The following SMG6 variants were observed in gnomAD, a reference collection of about 807,000 sequenced individuals.
SMG6 encodes the protein telomerase-binding protein EST1A.
Under a neutral mutation model 142.2 loss-of-function variants are expected in SMG6, and 66 were observed. The observed-to-expected ratio is 0.46, with a 90% CI of 0.38 to 0.57. The LOEUF is 0.57. Ranked by LOEUF, SMG6 falls within the 20% of genes least tolerant of loss-of-function variation. The pLI is 0.00. For synonymous variants in SMG6, 779 were observed against 702.4 expected, an observed-to-expected ratio of 1.11 and a Z score of -1.72; for missense variants, 1,793 against 1,832.0, an observed-to-expected ratio of 0.98 and a Z score of 0.39.
At chr17:2,139,884 C>A (rs185861781) in intron 13 of SMG6, among the ~76,000 whole-genome samples, 2 of 152,104 alleles carry the variant, frequency 1.3e-5, no homozygotes, top group Admixed American at 6.5e-5. Context: ...TGCCACCATA[C>A]CCGGCTAATT....
chr17:2,236,181 T>C (rs891713519), intron 10 of SMG6: 2 of 207,088 alleles, frequency 9.7e-6, no homozygotes, highest in Non-Finnish European at 1.9e-5. Context: ...GGAGAGGCTC[T>C]GGGTCTGCAG....
At chr17:2,146,041 A>C (rs1206992929) in intron 13 of SMG6, among the ~76,000 whole-genome samples, 3 of 152,188 alleles carry the variant, frequency 2.0e-5, no homozygotes, top group Non-Finnish European at 4.4e-5. Context: ...CTCTTTGTTG[A>C]AACAAAGAAA....
intron 6 of SMG6, among the ~76,000 whole-genome samples, chr17:2,292,054 G>A (rs367647328): frequency 3.9e-5 from 6 of 152,078 alleles, no homozygotes; most frequent in African/African-American, 1.5e-4. Context: ...TTAGACCTAG[G>A]GAGGTACAAC....
chr17:2,164,897 A>C (rs1189623956), intron 13 of SMG6, among the ~76,000 whole-genome samples: 2 of 151,940 alleles, frequency 1.3e-5, no homozygotes, highest in Non-Finnish European at 1.5e-5. Context: ...AGACTAAACC[A>C]CTGTACTCCA....
At chr17:2,199,451 A>C (rs896916354) in intron 10 of SMG6, among the ~76,000 whole-genome samples, 7 of 151,714 alleles carry the variant, frequency 4.6e-5, no homozygotes, top group African/African-American at 1.7e-4. Context: ...TAGGCAATAC[A>C]GTGTGAGACC....
At chr17:2,093,159 A>C (rs558351411) in intron 13 of SMG6, among the ~76,000 whole-genome samples, 4 of 152,120 alleles carry the variant, frequency 2.6e-5, no homozygotes, top group Non-Finnish European at 4.4e-5. Context: ...GTTCTATTGC[A>C]ATCCAGCCTG....
At chr17:2,061,895 GCCT>G (rs1426318390) in intron 18 of SMG6, 1 of 409,874 alleles carries the variant, frequency 2.4e-6, no homozygotes, top group African/African-American at 2.0e-5. Context: ...AAACCCGTCA[GCCT>G]CCCAGGACCC....
intron 13 of SMG6, among the ~76,000 whole-genome samples, chr17:2,100,298 AAAGTGTTC>A (rs2068970962): frequency 6.6e-6 from 1 of 152,162 alleles, no homozygotes; most frequent in South Asian, 2.1e-4. Context: ...TCGGCCTTCC[AAAGTGTTC>A]AAGTACAGGA....
At chr17:2,080,785 A>G (rs1375190213) in intron 15 of SMG6, among the ~76,000 whole-genome samples, 2 of 151,968 alleles carry the variant, frequency 1.3e-5, no homozygotes, top group Non-Finnish European at 2.9e-5. Context: ...ACAGGTGTGC[A>G]CCACCATGCC....
At chr17:2,101,793 G>A (rs1364216451) in intron 13 of SMG6, 1 of 152,210 alleles carries the variant, frequency 6.6e-6, no homozygotes, top group Non-Finnish European at 1.5e-5. Flanking sequence ...ATAGAGGTGA[G>A]GAAATTAAGG....
chr17:2,184,657 CAAAAAAAAAA>C (rs150364302), intron 12 of SMG6, among the ~76,000 whole-genome samples: 2 of 52,796 alleles, frequency 3.8e-5, no homozygotes, highest in East Asian at 5.7e-4. Context: ...AACTCCGTCT[CAAAAAAAAAA>C]AAAAAAAAAA....
chr17:2,298,692 T>C (rs2075199452), intron 2 of SMG6, among the ~76,000 whole-genome samples: 1 of 146,888 alleles, frequency 6.8e-6, no homozygotes, highest in African/African-American at 2.5e-5. Context: ...CACTCCAGCC[T>C]GGGCGACAGA....
rs1056216824 is a variant in SMG6 at position 2,071,157 on chromosome 17, G to A, written c.3682-2226C>T. On this transcript the variant is annotated intron_variant, in intron 15 of 18. Coordinates refer to ENST00000263073, the MANE Select transcript of SMG6 (RefSeq NM_017575.5). This position sits in a 1 kb window ranked among gnomAD's most constrained non-coding sequence, Gnocchi z 5.6. ...GGCTGGGGGTCCGGCTCTGCACTGCGCCTCTGCCTCTGCCTCTGCCCCGCA... is the reference window on the plus strand; with the variant it reads ...GGCTGGGGGTCCGGCTCTGCACTGCACCTCTGCCTCTGCCTCTGCCCCGCA... 3.9e-5 allele frequency among the ~76,000 whole-genome samples: 6 copies of A among 152,026 alleles called. No homozygotes were observed. The highest frequency in any genetic ancestry group is 7.4e-5 in the Non-Finnish European group (5 of 67,996).
At position 2,298,070 on chromosome 17, in the gene SMG6, A is replaced by G. The variant is rs986886810; in HGVS notation, c.1848-15T>C. On this transcript the variant is annotated splice_polypyrimidine_tract_variant and intron_variant, in intron 2 of 18. Coordinates refer to ENST00000263073, the MANE Select transcript of SMG6 (RefSeq NM_017575.5). ...GCAGTTCAGCTCTGGAATAAAATACATGCAACTTCCAGCTCCAAATACACC... is the reference window on the plus strand; with the variant it reads ...GCAGTTCAGCTCTGGAATAAAATACGTGCAACTTCCAGCTCCAAATACACC... The G allele has an allele frequency of 1.3e-6, 2 of 1,582,036 alleles. No homozygotes were observed. Among genetic ancestry groups the G allele is most frequent in the Admixed American group, 1.9e-5 (1 of 52,918 alleles).
chr17:2,143,171 T>C (rs529171587), intron 13 of SMG6, among the ~76,000 whole-genome samples: 14 of 152,178 alleles, frequency 9.2e-5, no homozygotes, highest in Non-Finnish European at 4.4e-5. Flanking sequence ...AGTGTGGAAG[T>C]TCCTCCAAGA....
At position 2,292,883 on chromosome 17, in the gene SMG6, C is replaced by G; in HGVS notation, c.2246G>C (p.Gly749Ala). 1 of 1,613,894 alleles carries G rather than the reference C, an allele frequency of 6.2e-7. No homozygotes were observed. The highest frequency in any genetic ancestry group is 8.5e-7 in the Non-Finnish European group (1 of 1,179,798). The change falls in exon 5 of 19, where the codon GGG (glycine) becomes GCG (alanine). Residue 749 changes from glycine to alanine, a missense_variant. Gly to Ala is a moderately conservative substitution (Grantham distance 60). Coordinates refer to ENST00000263073, the MANE Select transcript of SMG6 (RefSeq NM_017575.5). The part of the protein sequence containing the change: ...REQASDTANY[G>A]KARSWYLKAQ... ...GAGGTAAAAGTACCTGCGTGCTTTCCCATAATTCGCTGTATCACTGGCTTG... is the reference window on the plus strand; with the variant it reads ...GAGGTAAAAGTACCTGCGTGCTTTCGCATAATTCGCTGTATCACTGGCTTG...
chr17:2,100,096 G>A (rs1299005891), intron 13 of SMG6, among the ~76,000 whole-genome samples: 2 of 150,092 alleles, frequency 1.3e-5, no homozygotes, highest in African/African-American at 2.5e-5. Flanking sequence ...GGCGTGCAGT[G>A]GCACAATCTT....
Position 2,061,467 on chromosome 17 carries a change from G to GGC in SMG6, c.*24_*25insGC. The GGC allele has an allele frequency of 6.4e-7, 1 of 1,559,670 alleles. No individual in the cohort carries two copies. Among genetic ancestry groups the GGC allele is most frequent in the Non-Finnish European group, 8.7e-7 (1 of 1,151,430 alleles). On this transcript the variant is annotated 3_prime_UTR_variant, in exon 19 of 19. Coordinates refer to ENST00000263073, the MANE Select transcript of SMG6 (RefSeq NM_017575.5). ...GTGGCCTTTCAGGAACGGTTCCACG[G>GGC]GGGGGGGGCCCCAGTGTGGCTCCCT...
intron 4 of SMG6, among the ~76,000 whole-genome samples, chr17:2,296,275 T>G (rs1049335425): frequency 2.6e-5 from 4 of 152,188 alleles, no homozygotes; most frequent in African/African-American, 2.4e-5. Flanking sequence ...TCTTGCACTT[T>G]CCCAACAATG....
Sources: allele counts gnomAD v4.1 joint callset (sites outside exome capture counted in the v4.1 genomes callset), GRCh38; gene constraint gnomAD v4.1.1; non-coding constraint Gnocchi (gnomAD v3.1); transcripts MANE v1.5; gene names NCBI Gene and HGNC (gene_info 2026-07-23, HGNC 2026-07-21).